FOXP2: variants seen among roughly 807,000 people sequenced by gnomAD.
FOXP2 encodes forkhead box protein P2.
A neutral mutation model predicts 115.8 loss-of-function variants in FOXP2; 12 were observed. That is an observed-to-expected ratio of 0.10 (90% CI 0.07 to 0.17). FOXP2 has a LOEUF of 0.17. Among genes scored for constraint, FOXP2 ranks in the 10% least tolerant of loss-of-function variants. The pLI is 1.00. For missense variants in FOXP2, 629 were observed against 843.5 expected (o/e 0.75, Z 3.15); for synonymous variants, 328 against 297.7 (o/e 1.10, Z -1.05).
chr7:114,496,757 A>G lies in FOXP2; in HGVS notation c.169-37860A>G, dbSNP rs144335094. 5.8e-3 allele frequency among the ~76,000 whole-genome samples: 888 copies of G among 152,236 alleles called. 7 individuals are homozygous for G. Among genetic ancestry groups the G allele is most frequent in the African/African-American group, 0.02 (824 of 41,564 alleles). Reference sequence around the variant, plus strand: ...AAATATATTATTGAATGATCTTATAACCATTTCTCTCCTTCCTGTACTGTT... The same window carrying G: ...AAATATATTATTGAATGATCTTATAGCCATTTCTCTCCTTCCTGTACTGTT... On this transcript the variant is annotated intron_variant, in intron 2 of 16. Transcript: ENST00000350908.
At position 114,652,120 on chromosome 7, in the gene FOXP2, C is replaced by T. The variant is rs919983907; in HGVS notation, c.1095-83C>T. 20 of 1,260,898 alleles carry T rather than the reference C, an allele frequency of 1.6e-5. No individual in the cohort carries two copies. In the East Asian group the frequency reaches 2.8e-4, roughly 18 times the overall value. 78.1% of individuals were successfully genotyped at this position (1,260,898 alleles called of 1,614,324 possible). ...CCCAGTGCACAGAAACATCTGACTT[C>T]AGTGTAGTGCTTTTTAAGTGTAGCC... On this transcript the variant is annotated intron_variant, in intron 8 of 16. Transcript: ENST00000350908.
At chr7:114,435,835 G>C (rs1015242218) in intron 2 of FOXP2, among the ~76,000 whole-genome samples, 2 of 152,118 alleles carry the variant, frequency 1.3e-5, no homozygotes, top group African/African-American at 2.4e-5. Flanking sequence ...CATTGTGCCC[G>C]GCTGTCAGAA....
At chr7:114,331,660 C>CA (rs1164368622) in intron 2 of FOXP2, among the ~76,000 whole-genome samples, 1 of 143,052 alleles carries the variant, frequency 7.0e-6, no homozygotes, top group African/African-American at 2.6e-5. Context: ...CTGACATTTT[C>CA]TTTTTTTTTT....
chr7:114,642,338 A>C (rs1196787552), intron 6 of FOXP2, 72 bp from the exon 7 acceptor site: 2 of 1,210,858 alleles, frequency 1.7e-6, no homozygotes, highest in East Asian at 4.9e-5. Context: ...TAATCTATTA[A>C]TAACACAAAG....
At chr7:114,483,299 TCTCCATGCTTCCAAGGTTTTTC>T (rs979427279) in intron 2 of FOXP2, among the ~76,000 whole-genome samples, 1 of 151,596 alleles carries the variant, frequency 6.6e-6, no homozygotes, top group African/African-American at 2.4e-5. Flanking sequence ...GCATGGTTGG[TCTCCATGCTTCCAAGGTTTTTC>T]CTTCCTACTC....
At chr7:114,599,984 G>A (rs1228586267) in intron 3 of FOXP2, among the ~76,000 whole-genome samples, 1 of 152,018 alleles carries the variant, frequency 6.6e-6, no homozygotes. Context: ...ATCTTGCACT[G>A]GTATGGTGCA....
At chr7:114,675,276 G>A (rs1025634403) in intron 16 of FOXP2, among the ~76,000 whole-genome samples, 13 of 151,554 alleles carry the variant, frequency 8.6e-5, no homozygotes, top group East Asian at 1.9e-4. Flanking sequence ...CTAAATGAGC[G>A]TCAGTTATTT....
chr7:114,097,015 G>T (rs1799667219), intron 1 of FOXP2, among the ~76,000 whole-genome samples: 1 of 151,956 alleles, frequency 6.6e-6, no homozygotes, highest in South Asian at 2.1e-4. Flanking sequence ...CTTTATTGTA[G>T]AAATTATGCT....
intron 3 of FOXP2, among the ~76,000 whole-genome samples, chr7:114,552,038 A>G (rs1800233173): frequency 6.6e-6 from 1 of 152,020 alleles, no homozygotes; most frequent in Non-Finnish European, 1.5e-5. Flanking sequence ...TTGAACTTCA[A>G]CCTCCCACTG....
rs752928104 is a variant in FOXP2, at chr7:114,311,832, G to T, written c.-11+23723G>T. Among the ~76,000 whole-genome samples the T allele has an allele frequency of 4.3e-4, 65 of 152,142 alleles. 1 individual carries two copies. The highest frequency in any genetic ancestry group is 2.7e-3 in the Admixed American group (42 of 15,292). ...ATTGTTAACCTTTTGCAATGGACTT[G>T]GTGCTTTAGTTCTGGGACCCCTTTC... On this transcript the variant is annotated intron_variant, in intron 2 of 17. Transcript: ENST00000634411.
At chr7:114,199,806 C>T (rs1026006741) in intron 1 of FOXP2, among the ~76,000 whole-genome samples, 8 of 151,222 alleles carry the variant, frequency 5.3e-5, no homozygotes, top group African/African-American at 4.9e-5. Context: ...AACATACCAC[C>T]GAGTAAATAC....
At chr7:114,456,697 A>G (rs1250988229) in intron 2 of FOXP2, among the ~76,000 whole-genome samples, 2 of 152,198 alleles carry the variant, frequency 1.3e-5, no homozygotes, top group African/African-American at 4.8e-5. Flanking sequence ...AATTATTTTA[A>G]AAAGCATAAA....
intron 2 of FOXP2, among the ~76,000 whole-genome samples, chr7:114,405,327 T>A (rs890082168): frequency 3.3e-5 from 5 of 151,936 alleles, no homozygotes. Flanking sequence ...GATTTCACAC[T>A]GCCCTTAATT....
At chr7:114,388,617 G>A (rs1354640259) in intron 2 of FOXP2, among the ~76,000 whole-genome samples, 1 of 152,016 alleles carries the variant, frequency 6.6e-6, no homozygotes, top group East Asian at 1.9e-4. Flanking sequence ...GAATTTATAA[G>A]ATCATACACT....
At chr7:114,372,109 G>T (rs1437479268) in intron 2 of FOXP2, among the ~76,000 whole-genome samples, 2 of 152,054 alleles carry the variant, frequency 1.3e-5, no homozygotes, top group Non-Finnish European at 2.9e-5. Flanking sequence ...ACTCAAAAAA[G>T]ACTTGGATAG....
chr7:114,595,946 A>T (rs1472399349), intron 3 of FOXP2, among the ~76,000 whole-genome samples: 1 of 152,058 alleles, frequency 6.6e-6, no homozygotes, highest in African/African-American at 2.4e-5. Context: ...TGAAGTAAAA[A>T]AATAATAATA....
chr7:114,315,401 G>A (rs978622891), intron 2 of FOXP2, among the ~76,000 whole-genome samples: 1 of 152,018 alleles, frequency 6.6e-6, no homozygotes, highest in African/African-American at 2.4e-5. Flanking sequence ...GACTTATCAG[G>A]CTCCTCGGTT....
chr7:114,144,896 C>A (rs898395013), intron 1 of FOXP2, among the ~76,000 whole-genome samples: 2 of 152,118 alleles, frequency 1.3e-5, no homozygotes, highest in African/African-American at 2.4e-5. Flanking sequence ...GAAAAGAACA[C>A]TTTTTATTAT....
intron 2 of FOXP2, among the ~76,000 whole-genome samples, chr7:114,358,340 A>G (rs1235065918): frequency 6.6e-6 from 1 of 152,146 alleles, no homozygotes; most frequent in East Asian, 1.9e-4. Context: ...ATATTTCTTC[A>G]TAGCATTATG....
Sources: gnomAD v4.1 joint callset for allele counts (sites outside exome capture counted in the v4.1 genomes callset) on GRCh38, gnomAD v4.1.1 for gene constraint, MANE v1.5 for transcripts, NCBI Gene and HGNC (gene_info 2026-07-23, HGNC 2026-07-21) for gene names.